Variants in CELF2 observed in about 807,000 individuals in gnomAD.
CELF2 encodes the protein CUG triplet repeat RNA-binding protein 2.
Under a neutral mutation model 62.6 loss-of-function variants are expected in CELF2, and 8 were observed. That is an observed-to-expected ratio of 0.13 (90% CI 0.07 to 0.23). The LOEUF is 0.23. Ranked by LOEUF, CELF2 falls within the 10% of genes least tolerant of loss-of-function variation. The pLI, the probability that CELF2 is intolerant of heterozygous loss-of-function variation, is 1.00. For missense variants in CELF2, 333 were observed against 671.0 expected, an observed-to-expected ratio of 0.50 and a Z score of 5.56; for synonymous variants, 258 against 250.0, an observed-to-expected ratio of 1.03 and a Z score of -0.30.
At chr10:11,195,306 A>AG (rs1337130553) in intron 2 of CELF2, among the ~76,000 whole-genome samples, 1 of 152,224 alleles carries the variant, frequency 6.6e-6, no homozygotes, top group Non-Finnish European at 1.5e-5. Context: ...GAAACACAGC[A>AG]GGCACCAAGA....
At chr10:10,825,956 A>C (rs560531103) in intron 1 of CELF2, among the ~76,000 whole-genome samples, 1 of 152,334 alleles carries the variant, frequency 6.6e-6, no homozygotes, top group South Asian at 2.1e-4. Flanking sequence ...TCTATATCCA[A>C]TGAGCGTATA....
At chr10:10,603,784 TACACACACACAC>T in the CELF2 span, among the ~76,000 whole-genome samples, 2 of 148,446 alleles carry the variant, frequency 1.3e-5, no homozygotes, top group African/African-American at 4.9e-5. Flanking sequence ...TATTTACACA[TACACACACACAC>T]ACACACACAC....
At chr10:10,703,710 G>A in the CELF2 span, among the ~76,000 whole-genome samples, 1 of 152,136 alleles carries the variant, frequency 6.6e-6, no homozygotes, top group African/African-American at 2.4e-5. Flanking sequence ...AAAATGATGG[G>A]TAATAATAAA....
At chr10:10,562,787 A>ACCTCCCTGCCCTCCACAGCCTG in the CELF2 span, among the ~76,000 whole-genome samples, 1 of 138,500 alleles carries the variant, frequency 7.2e-6, no homozygotes, top group African/African-American at 3.1e-5. Flanking sequence ...TACGGAGCCT[A>ACCTCCCTGCCCTCCACAGCCTG]CCTCCCTGCC....
Position 11,334,042 on chromosome 10 carries a change from T to A in CELF2, c.*4989T>A, listed in dbSNP as rs1387384222. On this transcript the variant is annotated 3_prime_UTR_variant, in exon 13 of 13. Coordinates refer to ENST00000633077, the MANE Select transcript of CELF2 (RefSeq NM_001326342.2). The stretch of plus-strand genomic sequence containing the variant: ...AAAAACTTTGGCTTGATTTCTTTTT[T>A]CCCTTTGCTTATATCTAGCATTAGA... 6.6e-6 allele frequency: 1 copy of A among 152,662 alleles called. No homozygotes were observed. The highest frequency in any genetic ancestry group is 2.4e-5 in the African/African-American group (1 of 41,462). The allele number at this position is 152,662 out of a possible 1,614,324, so 9.5% of individuals were successfully genotyped here. A position where few individuals can be genotyped will look rare whatever the true frequency, so the allele number is the denominator to read the frequency against.
the CELF2 span, among the ~76,000 whole-genome samples, chr10:10,749,904 A>G: frequency 3.3e-3 from 497 of 152,374 alleles, 2 homozygotes; most frequent in African/African-American, 0.012. Context: ...AGAAAAGGGC[A>G]TCTTGGTAAG....
the CELF2 span, among the ~76,000 whole-genome samples, chr10:10,649,832 G>A: frequency 6.6e-6 from 1 of 152,186 alleles, no homozygotes; most frequent in East Asian, 1.9e-4. Context: ...TGCTTTCGAG[G>A]ACAGAGTGAT....
chr10:11,327,376 G>C (rs1472911618), intron 12 of CELF2, among the ~76,000 whole-genome samples: 1 of 152,196 alleles, frequency 6.6e-6, no homozygotes, highest in Non-Finnish European at 1.5e-5. Flanking sequence ...TTGTTTATCA[G>C]CCTACAGCCT....
intron 2 of CELF2, among the ~76,000 whole-genome samples, chr10:10,920,393 G>T (rs1448363677): frequency 6.6e-6 from 1 of 152,132 alleles, no homozygotes; most frequent in Non-Finnish European, 1.5e-5. Context: ...ACTGTGTTCA[G>T]GGACTTAGAG....
At chr10:10,697,915 C>T in the CELF2 span, among the ~76,000 whole-genome samples, 2 of 152,204 alleles carry the variant, frequency 1.3e-5, no homozygotes, top group Admixed American at 1.3e-4. Flanking sequence ...ACTTCAGCCT[C>T]CTGAGTAGCT....
chr10:10,930,685 T>G (rs2065968207), intron 2 of CELF2, among the ~76,000 whole-genome samples: 1 of 152,204 alleles, frequency 6.6e-6, no homozygotes, highest in South Asian at 2.1e-4. Context: ...ATTTTGCAGT[T>G]AGAATTCCTC....
At chr10:11,084,235 A>G (rs189358974) in intron 1 of CELF2, among the ~76,000 whole-genome samples, 2 of 152,320 alleles carry the variant, frequency 1.3e-5, no homozygotes, top group African/African-American at 4.8e-5. Context: ...TCTGCCAGAT[A>G]TGGTGGTGGA....
At chr10:10,967,918 GCACACA>G (rs112085743) in intron 2 of CELF2, among the ~76,000 whole-genome samples, 1 of 149,320 alleles carries the variant, frequency 6.7e-6, no homozygotes, top group African/African-American at 2.5e-5. Flanking sequence ...ATTAAGGTAA[GCACACA>G]CACACACACA....
At chr10:11,057,153 A>G (rs946350707) in intron 1 of CELF2, among the ~76,000 whole-genome samples, 3 of 152,192 alleles carry the variant, frequency 2.0e-5, no homozygotes, top group South Asian at 2.1e-4. Context: ...GAGGCAGCAG[A>G]TACAACCCCT....
intron 1 of CELF2, among the ~76,000 whole-genome samples, chr10:10,849,924 C>G (rs2059275773): frequency 6.6e-6 from 1 of 151,598 alleles, no homozygotes; most frequent in Admixed American, 6.6e-5. Flanking sequence ...AGGCAGATCA[C>G]AAGGTCAGGA....
chr10:10,758,603 A>G, the CELF2 span, among the ~76,000 whole-genome samples: 1 of 152,338 alleles, frequency 6.6e-6, no homozygotes, highest in East Asian at 1.9e-4. Context: ...TCAAGGCTGG[A>G]TACTGAGAGC....
At chr10:10,949,714 C>T (rs1187047314) in intron 2 of CELF2, among the ~76,000 whole-genome samples, 1 of 151,356 alleles carries the variant, frequency 6.6e-6, no homozygotes, top group East Asian at 1.9e-4. Flanking sequence ...GGCATGAGAA[C>T]CACCTGAAGC....
chr10:11,325,804 T>G (rs1444923272), intron 11 of CELF2, 32 bp from the exon 12 acceptor site: 15 of 1,576,468 alleles, frequency 9.5e-6, no homozygotes, highest in Non-Finnish European at 1.3e-5. Context: ...ACTCAAGGGA[T>G]ACCTTACTCT....
chr10:10,543,715 T>C, the CELF2 span, among the ~76,000 whole-genome samples: 1 of 151,854 alleles, frequency 6.6e-6, no homozygotes, highest in African/African-American at 2.4e-5. Context: ...GGTGAGATCA[T>C]GCCACTGCAC....
Sources: allele counts gnomAD v4.1 joint callset (sites outside exome capture counted in the v4.1 genomes callset), GRCh38; gene constraint gnomAD v4.1.1; transcripts MANE v1.5; gene names NCBI Gene and HGNC (gene_info 2026-07-23, HGNC 2026-07-21).